Variants in APBA2 observed in about 807,000 individuals in gnomAD.
APBA2 encodes the protein amyloid beta precursor protein binding family A member 2.
In APBA2, 30 loss-of-function variants were observed where a neutral mutation model predicts 75.0. The ratio of observed to expected loss-of-function variants is 0.40; its 90% CI spans 0.30 to 0.54. The LOEUF is 0.54. APBA2 is among the 20% of genes least tolerant of loss of function. APBA2 has a pLI of 0.49. For synonymous variants in APBA2, 444 were observed against 409.6 expected, an observed-to-expected ratio of 1.08 and a Z score of -1.01; for missense variants, 801 against 1,016.1, an observed-to-expected ratio of 0.79 and a Z score of 2.88.
At chr15:29,067,415 C>T (rs2042425542) in intron 4 of APBA2, among the ~76,000 whole-genome samples, 1 of 151,992 alleles carries the variant, frequency 6.6e-6, no homozygotes, top group Admixed American at 6.6e-5. Context: ...TCGGCACATC[C>T]CTGGGAGGTT....
At chr15:28,968,347 A>AT (rs2036852893) in intron 2 of APBA2, among the ~76,000 whole-genome samples, 1 of 152,112 alleles carries the variant, frequency 6.6e-6, no homozygotes, top group Non-Finnish European at 1.5e-5. Flanking sequence ...TATGTTTTTA[A>AT]TTTTGGGGGG....
intron 13 of APBA2, among the ~76,000 whole-genome samples, chr15:29,110,222 A>G (rs2044656006): frequency 6.6e-6 from 1 of 152,214 alleles, no homozygotes; most frequent in Admixed American, 6.5e-5. Flanking sequence ...CCACCCCAGC[A>G]CTGGGGACAG....
chr15:28,945,930 G>A (rs2152713371), intron 2 of APBA2, among the ~76,000 whole-genome samples: 1 of 152,308 alleles, frequency 6.6e-6, no homozygotes, highest in East Asian at 1.9e-4. Flanking sequence ...GGCCGACAGT[G>A]TATGAGGGTT....
chr15:29,117,071 A>G lies in APBA2; in HGVS notation c.2188A>G (p.Lys730Glu). Reference protein sequence around the residue: ...LSNSVGEIHMKTMPAAMFRLL... With the variant: ...LSNSVGEIHMETMPAAMFRLL... ...CTGTTTCTGTCCGCAGATCCACATG[A>G]AGACCATGCCCGCCGCCATGTTCAG... Residue 730 changes from lysine to glutamate, a missense_variant, in exon 15 of 15, where the codon AAG becomes GAG. Lys to Glu is a moderately conservative substitution (Grantham distance 56). Coordinates refer to ENST00000683413, the MANE Select transcript of APBA2 (RefSeq NM_001353788.2). The G allele has an allele frequency of 6.2e-7, 1 of 1,613,168 alleles. No individual in the cohort carries two copies. Among genetic ancestry groups the G allele is most frequent in the Non-Finnish European group, 8.5e-7 (1 of 1,179,902 alleles).
chr15:29,001,812 TA>T (rs2038863590), intron 3 of APBA2, among the ~76,000 whole-genome samples: 1 of 152,208 alleles, frequency 6.6e-6, no homozygotes, highest in African/African-American at 2.4e-5. Context: ...CCCTTTTTTT[TA>T]AAAGATGGAA....
chr15:28,902,220 A>G (rs2032905979), intron 1 of APBA2, among the ~76,000 whole-genome samples: 1 of 152,116 alleles, frequency 6.6e-6, no homozygotes, highest in South Asian at 2.1e-4. Context: ...CGCCAACAGC[A>G]AGTCATGTGG....
chr15:28,956,229 C>G (rs747368682), intron 2 of APBA2, among the ~76,000 whole-genome samples: 7 of 152,132 alleles, frequency 4.6e-5, no homozygotes, highest in Non-Finnish European at 1.0e-4. Context: ...CTTGCTGTCT[C>G]TAGGGCAGGC....
chr15:28,940,468 G>A (rs982644449), intron 2 of APBA2, among the ~76,000 whole-genome samples: 29 of 117,644 alleles, frequency 2.5e-4, no homozygotes, highest in African/African-American at 9.3e-4. Context: ...GCGTGAACCC[G>A]GGTGAACCCG....
chr15:29,035,289 A>T (rs1303255367), intron 3 of APBA2, among the ~76,000 whole-genome samples: 1 of 152,202 alleles, frequency 6.6e-6, no homozygotes, highest in Non-Finnish European at 1.5e-5. Context: ...TCGTGGGGTC[A>T]TTAGGATTAA....
chr15:28,975,290 A>G (rs746605810), intron 2 of APBA2, among the ~76,000 whole-genome samples: 38 of 152,202 alleles, frequency 2.5e-4, no homozygotes, highest in Non-Finnish European at 5.4e-4. Context: ...AGATATCTCA[A>G]TGCTACTTAA....
chr15:28,978,810 A>G (rs12437939), intron 2 of APBA2, among the ~76,000 whole-genome samples: 46,137 of 152,136 alleles, frequency 0.3, 11,550 homozygotes, highest in African/African-American at 0.67. Flanking sequence ...AATGCAGCAG[A>G]CAGTTGAAAG....
At chr15:28,933,243 A>G (rs73366728) in intron 2 of APBA2, among the ~76,000 whole-genome samples, 1,690 of 152,218 alleles carry the variant, frequency 0.011, 39 homozygotes, top group African/African-American at 0.039. Context: ...GCACATTCCA[A>G]CTATAGCAGT....
rs1222564312 is a variant in APBA2, at chr15:29,054,587, A to T, written c.703A>T (p.Met235Leu). Residue 235 changes from methionine (M) to leucine (L), a missense_variant, in exon 4 of 15, where the codon ATG (methionine) becomes TTG (leucine). By Grantham distance (15) the Met-to-Leu change is conservative (BLOSUM62 2). Around this residue, in one of 2 missense-constraint regions of APBA2, gnomAD observed 434 missense variants for 471.6 expected, o/e 0.92. Coordinates refer to ENST00000683413, the MANE Select transcript of APBA2 (RefSeq NM_001353788.2). The surrounding 1 kb of genome is among the most constrained non-coding windows in gnomAD (Gnocchi z 6.1). ...TGACCAGATCGTGGCAGAGATCAAG[A>T]TGAGTCTGAGCATGACCAGCATCAC... ...DIDQIVAEIK[M>L]SLSMTSITSA... 11 of 1,613,996 alleles carry T rather than the reference A, an allele frequency of 6.8e-6. No individual in the cohort carries two copies. The highest frequency in any genetic ancestry group is 3.3e-4 in the Middle Eastern group (2 of 6,084).
intron 1 of APBA2, among the ~76,000 whole-genome samples, chr15:28,908,996 T>G (rs1026058266): frequency 5.4e-4 from 81 of 150,686 alleles, no homozygotes; most frequent in African/African-American, 1.9e-3. Flanking sequence ...CTTTTTTTTT[T>G]TTTTTTTTGA....
chr15:28,897,401 A>G (rs1482664463), intron 1 of APBA2, among the ~76,000 whole-genome samples: 1 of 152,096 alleles, frequency 6.6e-6, no homozygotes, highest in Non-Finnish European at 1.5e-5. Context: ...GGATCACCTG[A>G]GGCCAGGAGT....
At chr15:29,113,836 T>C in intron 13 of APBA2, 40 bp from the exon 14 acceptor site, 2 of 1,565,908 alleles carry the variant, frequency 1.3e-6, no homozygotes, top group Non-Finnish European at 1.7e-6. Flanking sequence ...CTGTCGGGTG[T>C]GGCGGGAACA....
intron 6 of APBA2, among the ~76,000 whole-genome samples, chr15:29,089,189 C>G (rs2043433781): frequency 6.6e-6 from 1 of 152,212 alleles, no homozygotes; most frequent in African/African-American, 2.4e-5. Context: ...TGTCTTAACA[C>G]CGGTCTTTAT....
chr15:28,987,192 A>C (rs1195337628), intron 2 of APBA2, among the ~76,000 whole-genome samples: 1 of 152,246 alleles, frequency 6.6e-6, no homozygotes, highest in East Asian at 1.9e-4. Context: ...ACAGCTAGGT[A>C]TCCACAAGCT....
intron 2 of APBA2, among the ~76,000 whole-genome samples, chr15:28,981,503 A>T (rs1370051529): frequency 6.6e-6 from 1 of 152,240 alleles, no homozygotes; most frequent in African/African-American, 2.4e-5. Flanking sequence ...AAGCAAAAAA[A>T]ATAACAGTTG....
Sources: gnomAD v4.1 joint callset for allele counts (sites outside exome capture counted in the v4.1 genomes callset) on GRCh38, gnomAD v4.1.1 for gene constraint, gnomAD v4.1.1 regional missense constraint, Gnocchi (gnomAD v3.1) non-coding constraint, MANE v1.5 for transcripts, NCBI Gene and HGNC (gene_info 2026-07-23, HGNC 2026-07-21) for gene names.